The following NEK7 variants were observed in gnomAD, a reference collection of about 807,000 sequenced individuals.
NEK7 encodes NIMA related kinase 7.
NEK7 carries 18 observed loss-of-function variants against 44.6 expected under a neutral mutation model. The ratio of observed to expected loss-of-function variants is 0.40; its 90% CI spans 0.28 to 0.60. The LOEUF (loss-of-function observed/expected upper bound fraction) is 0.60, where lower values mean the gene tolerates loss of function less well. Among genes scored for constraint, NEK7 ranks in the 20% least tolerant of loss-of-function variants. The pLI is 0.38. For missense variants in NEK7, 256 were observed against 366.5 expected (o/e 0.70, Z 2.46); for synonymous variants, 130 against 121.1 (o/e 1.07, Z -0.48).
At chr1:198,208,016 C>G (rs528809040) in intron 1 of NEK7, among the ~76,000 whole-genome samples, 8 of 152,250 alleles carry the variant, frequency 5.3e-5, no homozygotes, top group African/African-American at 1.9e-4. Flanking sequence ...ATTTTAGATA[C>G]ATTTCTAACA....
chr1:198,295,623 T>C (rs1331008870), intron 8 of NEK7, among the ~76,000 whole-genome samples: 1 of 138,720 alleles, frequency 7.2e-6, no homozygotes, highest in South Asian at 2.2e-4. Flanking sequence ...GACATTCAGA[T>C]TTTTTTTTTT....
rs1247093904 is a variant in NEK7, at chr1:198,269,706, A to C, written c.372+5471A>C. Among the ~76,000 whole-genome samples, 5 of 152,112 alleles carry C rather than the reference A, an allele frequency of 3.3e-5. 1 individual carries two copies. Among genetic ancestry groups the C allele is most frequent in the Non-Finnish European group, 7.4e-5 (5 of 67,992 alleles). ...GAAATGAACCTCTGGATAGCATTGC[A>C]TCAAAGATTTTTACAAGTAAATAAT... On this transcript the variant is annotated intron_variant, in intron 5 of 9. Coordinates refer to ENST00000367385, the MANE Select transcript of NEK7 (RefSeq NM_133494.3).
intron 1 of NEK7, among the ~76,000 whole-genome samples, chr1:198,209,830 A>T (rs983444826): frequency 6.6e-6 from 1 of 151,744 alleles, no homozygotes; most frequent in Admixed American, 6.6e-5. Context: ...TTATTTATTT[A>T]TCTGGAGATG....
chr1:198,210,112 A>AG (rs1347180356), intron 1 of NEK7, among the ~76,000 whole-genome samples: 4 of 151,886 alleles, frequency 2.6e-5, no homozygotes, highest in Admixed American at 1.3e-4. Flanking sequence ...TTATTTTTTT[A>AG]GGGACAGGGT....
intron 3 of NEK7, among the ~76,000 whole-genome samples, chr1:198,254,275 G>T (rs376669842): frequency 3.3e-5 from 5 of 152,248 alleles, no homozygotes; most frequent in African/African-American, 4.8e-5. Flanking sequence ...TTTTCGACAT[G>T]TGTGTGCTAC....
chr1:198,190,969 G>A (rs901886395), intron 1 of NEK7, among the ~76,000 whole-genome samples: 1 of 152,032 alleles, frequency 6.6e-6, no homozygotes, highest in South Asian at 2.1e-4. Flanking sequence ...ATACTTTGAT[G>A]TATTCATATC....
At chr1:198,300,608 C>A (rs567413375) in intron 9 of NEK7, among the ~76,000 whole-genome samples, 51 of 152,310 alleles carry the variant, frequency 3.3e-4, no homozygotes, top group African/African-American at 1.1e-3. Context: ...GCATGGATGC[C>A]TCCCCCTGCA....
At chr1:198,314,729 C>T (rs1655298707) in intron 9 of NEK7, among the ~76,000 whole-genome samples, 1 of 152,188 alleles carries the variant, frequency 6.6e-6, no homozygotes, top group Non-Finnish European at 1.5e-5. Context: ...GGGGGTGCCT[C>T]CCAGTTAGGC....
chr1:198,270,217 C>A (rs1271893393), intron 5 of NEK7, among the ~76,000 whole-genome samples: 1 of 152,032 alleles, frequency 6.6e-6, no homozygotes, highest in East Asian at 1.9e-4. Context: ...ACAAAATATA[C>A]TTCATTCATT....
intron 1 of NEK7, among the ~76,000 whole-genome samples, chr1:198,213,003 T>C (rs934391051): frequency 2.6e-5 from 4 of 152,212 alleles, no homozygotes; most frequent in Non-Finnish European, 5.9e-5. Flanking sequence ...TAAGGCTCTT[T>C]CTAACCAAGG....
chr1:198,191,309 A>T (rs1217912120), intron 1 of NEK7, among the ~76,000 whole-genome samples: 1 of 152,006 alleles, frequency 6.6e-6, no homozygotes, highest in Non-Finnish European at 1.5e-5. Flanking sequence ...CAGCTGTTCC[A>T]TATCCTTGTT....
intron 9 of NEK7, among the ~76,000 whole-genome samples, chr1:198,297,976 A>T (rs758199501): frequency 1.7e-4 from 26 of 152,186 alleles, no homozygotes; most frequent in Admixed American, 7.9e-4. Flanking sequence ...CTTTCATTGA[A>T]CAAAACATCT....
At chr1:198,317,889 T>TTTTA (rs1558109625) in intron 9 of NEK7, among the ~76,000 whole-genome samples, 1 of 146,316 alleles carries the variant, frequency 6.8e-6, no homozygotes, top group Non-Finnish European at 1.5e-5. Flanking sequence ...TTTTTTTTTT[T>TTTTA]TTTTTTTTTT....
At chr1:198,209,177 T>C (rs1665694303) in intron 1 of NEK7, among the ~76,000 whole-genome samples, 1 of 144,392 alleles carries the variant, frequency 6.9e-6, no homozygotes, top group Non-Finnish European at 1.5e-5. Flanking sequence ...TTGGTAAAAC[T>C]CTCCTCAGAA....
intron 9 of NEK7, among the ~76,000 whole-genome samples, chr1:198,314,598 C>CCA (rs1357319816): frequency 1.3e-5 from 2 of 152,144 alleles, no homozygotes; most frequent in Non-Finnish European, 2.9e-5. Context: ...TGGTGATGTA[C>CCA]AGGTGGGTTT....
At chr1:198,223,808 G>C (rs990368066) in intron 1 of NEK7, among the ~76,000 whole-genome samples, 5 of 152,094 alleles carry the variant, frequency 3.3e-5, no homozygotes, top group Non-Finnish European at 7.4e-5. Flanking sequence ...GATTAGTGGT[G>C]ATGTTGATTA....
At chr1:198,286,090 G>A (rs1346814393) in intron 7 of NEK7, among the ~76,000 whole-genome samples, 1 of 152,088 alleles carries the variant, frequency 6.6e-6, no homozygotes, top group East Asian at 1.9e-4. Flanking sequence ...CTTTTGATAA[G>A]AGCTTATTTT....
chr1:198,206,253 G>A (rs890057139), intron 1 of NEK7, among the ~76,000 whole-genome samples: 1 of 152,242 alleles, frequency 6.6e-6, no homozygotes, highest in African/African-American at 2.4e-5. Flanking sequence ...ACATTCATTA[G>A]GGAGTGAGTT....
chr1:198,169,363 GA>G (rs1388622371), intron 1 of NEK7, among the ~76,000 whole-genome samples: 1 of 152,120 alleles, frequency 6.6e-6, no homozygotes, highest in Admixed American at 6.5e-5. Flanking sequence ...TTTGAGTCTG[GA>G]GGATTGTATT....
Sources: gnomAD v4.1 joint callset for allele counts (sites outside exome capture counted in the v4.1 genomes callset) on GRCh38, gnomAD v4.1.1 for gene constraint, MANE v1.5 for transcripts, NCBI Gene and HGNC (gene_info 2026-07-23, HGNC 2026-07-21) for gene names.